Variants in CDK13 observed in about 807,000 individuals in gnomAD.
CDK13 encodes cyclin-dependent kinase 13.
CDK13 carries 40 observed loss-of-function variants against 137.6 expected under a neutral mutation model. The observed-to-expected ratio is 0.29, with a 90% CI of 0.23 to 0.38. The LOEUF (loss-of-function observed/expected upper bound fraction) is 0.38. Among genes scored for constraint, CDK13 ranks in the 10% least tolerant of loss-of-function variants. The pLI is 1.00. For missense variants in CDK13, 1,704 were observed against 1,951.8 expected (o/e 0.87, Z 2.39); for synonymous variants, 869 against 760.1 (o/e 1.14, Z -2.36).
At chr7:39,963,789 C>A (rs1190360575) in intron 1 of CDK13, among the ~76,000 whole-genome samples, 1 of 2,906 alleles carries the variant, frequency 3.4e-4, no homozygotes, top group Non-Finnish European at 1.6e-3. Flanking sequence ...TTTTGAGATA[C>A]GTCCATCAAT....
At chr7:39,957,983 T>C (rs1787474180) in intron 1 of CDK13, among the ~76,000 whole-genome samples, 1 of 152,224 alleles carries the variant, frequency 6.6e-6, no homozygotes, top group African/African-American at 2.4e-5. Flanking sequence ...TTATAAGCTT[T>C]GAAGTGGGTG....
chr7:40,062,874 A>G lies in CDK13; in HGVS notation c.2649A>G (p.Glu883=). Reference sequence around the variant, plus strand: ...TTACTTTATGGTACCGTCCACCTGAACTGCTACTGGGAGAAGAACGATACA... The same window carrying G: ...TTACTTTATGGTACCGTCCACCTGAGCTGCTACTGGGAGAAGAACGATACA... ...KVITLWYRPP[E]LLLGEERYTP... Residue 883 remains glutamate, a synonymous_variant, in exon 8 of 14, where the codon GAA becomes GAG. Coordinates refer to ENST00000181839, the MANE Select transcript of CDK13 (RefSeq NM_003718.5). The G allele has an allele frequency of 1.2e-6, 2 of 1,614,096 alleles. No homozygotes were observed. The highest frequency in any genetic ancestry group is 2.2e-5 in the East Asian group (1 of 44,864).
chr7:39,954,983 A>G (rs1016424868), intron 1 of CDK13, among the ~76,000 whole-genome samples: 4 of 152,176 alleles, frequency 2.6e-5, no homozygotes, highest in South Asian at 4.1e-4. Context: ...CCACTTCACA[A>G]CTTGTTCTTT....
chr7:39,957,248 C>T (rs1204436113), intron 1 of CDK13, among the ~76,000 whole-genome samples: 2 of 141,014 alleles, frequency 1.4e-5, no homozygotes, highest in African/African-American at 5.0e-5. Flanking sequence ...GTGTGTCCAG[C>T]CTTAAATCCC....
chr7:40,043,128 T>C (rs1785651407), intron 5 of CDK13, among the ~76,000 whole-genome samples: 1 of 152,232 alleles, frequency 6.6e-6, no homozygotes, highest in Non-Finnish European at 1.5e-5. Flanking sequence ...GCAGTACTTC[T>C]ACATTTTCAT....
Position 40,094,482 on chromosome 7 carries a change from T to C in CDK13, c.4041T>C (p.Ala1347=). The C allele has an allele frequency of 6.2e-7, 1 of 1,613,626 alleles. No individual in the cohort carries two copies. The highest frequency in any genetic ancestry group is 8.5e-7 in the Non-Finnish European group (1 of 1,179,994). The change falls in exon 14 of 14, where the codon GCT becomes GCC. Residue 1347 remains alanine, a synonymous_variant. Transcript: ENST00000181839. ...TTGGATCCTCTTCTTTCTCTTCTGC[T>C]CCTTATGTTAGCAATGATGGTCTAG... ...DNFGSSSFSS[A]PYVSNDGLGS... is the part of the protein sequence containing the mutation.
chr7:40,063,818 C>T (rs1786210402), intron 9 of CDK13, among the ~76,000 whole-genome samples: 1 of 151,788 alleles, frequency 6.6e-6, no homozygotes, highest in African/African-American at 2.4e-5. Flanking sequence ...CCACCATGCC[C>T]AGCTAATTTT....
intron 1 of CDK13, among the ~76,000 whole-genome samples, chr7:39,962,519 A>T (rs1370102110): frequency 6.6e-6 from 1 of 152,090 alleles, no homozygotes; most frequent in Non-Finnish European, 1.5e-5. Context: ...TTCATTGTAG[A>T]TTCTGAATAT....
Position 40,094,360 on chromosome 7 carries a change from G to A in CDK13, c.3919G>A (p.Ala1307Thr). The A allele has an allele frequency of 6.2e-7, 1 of 1,613,946 alleles. No individual in the cohort carries two copies. Among genetic ancestry groups the A allele is most frequent in the Non-Finnish European group, 8.5e-7 (1 of 1,179,992 alleles). ...GVKAALLQLL[A>T]QHQPQDDPKR... is the part of the protein sequence containing the mutation. ...GAAGGCAGCCCTGTTACAGCTGCTTGCTCAGCATCAGCCCCAGGATGACCC... is the reference window on the plus strand; with the variant it reads ...GAAGGCAGCCCTGTTACAGCTGCTTACTCAGCATCAGCCCCAGGATGACCC... Residue 1307 changes from alanine (A) to threonine (T), a missense_variant, in exon 14 of 14, where the codon GCT becomes ACT. By Grantham distance (58) the Ala-to-Thr change is moderately conservative. Coordinates refer to ENST00000181839, the MANE Select transcript of CDK13 (RefSeq NM_003718.5).
intron 11 of CDK13, among the ~76,000 whole-genome samples, chr7:40,079,122 T>G (rs1375255500): frequency 6.6e-6 from 1 of 152,028 alleles, no homozygotes; most frequent in African/African-American, 2.4e-5. Flanking sequence ...ATTTCAACTC[T>G]AAGAAAATAT....
At chr7:40,061,988 T>C (rs975817555) in intron 7 of CDK13, 1 of 152,228 alleles carries the variant, frequency 6.6e-6, no homozygotes, top group Admixed American at 6.5e-5. Flanking sequence ...AGACCTCAAG[T>C]AGATACTTGA....
chr7:39,964,209 T>TGTACC (rs1489399809), intron 1 of CDK13, among the ~76,000 whole-genome samples: 1 of 152,214 alleles, frequency 6.6e-6, no homozygotes, highest in Non-Finnish European at 1.5e-5. Flanking sequence ...AGCTCCTCCT[T>TGTACC]GTACCTCTGG....
intron 10 of CDK13, chr7:40,078,431 TGTTCA>T (rs1319590663): frequency 7.8e-5 from 22 of 280,846 alleles, no homozygotes; most frequent in Non-Finnish European, 1.4e-4. Flanking sequence ...AAAACTATAC[TGTTCA>T]GTTCTTAATT....
intron 1 of CDK13, among the ~76,000 whole-genome samples, chr7:39,955,785 C>T (rs1466448223): frequency 6.6e-6 from 1 of 151,926 alleles, no homozygotes; most frequent in East Asian, 1.9e-4. Context: ...ACATTAATTA[C>T]TCTTAGTTAT....
chr7:39,989,917 G>A (rs1047652884), intron 2 of CDK13, among the ~76,000 whole-genome samples: 22 of 144,760 alleles, frequency 1.5e-4, no homozygotes, highest in African/African-American at 4.9e-4. Flanking sequence ...CGAGTAGGTG[G>A]GACTACAGGC....
intron 5 of CDK13, among the ~76,000 whole-genome samples, chr7:40,006,927 A>G (rs947152840): frequency 1.2e-4 from 14 of 119,448 alleles, no homozygotes; most frequent in Non-Finnish European, 2.2e-4. Flanking sequence ...TAAGACCTAC[A>G]CATTAACATT....
chr7:40,002,495 T>A (rs964667046), intron 5 of CDK13, among the ~76,000 whole-genome samples: 2 of 152,184 alleles, frequency 1.3e-5, no homozygotes, highest in East Asian at 3.8e-4. Context: ...TATGTATAGT[T>A]ATTATTTAGC....
chr7:40,074,298 G>A (rs1261959105), intron 9 of CDK13, among the ~76,000 whole-genome samples: 2 of 152,108 alleles, frequency 1.3e-5, no homozygotes, highest in Non-Finnish European at 2.9e-5. Flanking sequence ...CGAGGTGGGC[G>A]GATCACTAGG....
intron 5 of CDK13, among the ~76,000 whole-genome samples, chr7:40,002,674 T>C (rs1288058011): frequency 6.6e-6 from 1 of 152,182 alleles, no homozygotes; most frequent in Non-Finnish European, 1.5e-5. Flanking sequence ...ATAGGATCTT[T>C]ATATAAATCT....
Sources: gnomAD v4.1 joint callset for allele counts (sites outside exome capture counted in the v4.1 genomes callset) on GRCh38, gnomAD v4.1.1 for gene constraint, MANE v1.5 for transcripts, NCBI Gene and HGNC (gene_info 2026-07-23, HGNC 2026-07-21) for gene names.